DSC3: variants seen among roughly 807,000 people sequenced by gnomAD.
The protein encoded by DSC3 is desmocollin 3, also known as desmocollin-3.
DSC3 carries 97 observed loss-of-function variants against 89.5 expected under a neutral mutation model. That is an observed-to-expected ratio of 1.08 (90% CI 0.92 to 1.28). The LOEUF (loss-of-function observed/expected upper bound fraction) is 1.28, where lower values mean the gene tolerates loss of function less well. Among genes scored for constraint, DSC3 ranks in the 50% most tolerant of loss-of-function variants. The pLI is 0.00. For synonymous variants in DSC3, 436 were observed against 384.1 expected, an observed-to-expected ratio of 1.14 and a Z score of -1.58; for missense variants, 1,199 against 1,085.3, an observed-to-expected ratio of 1.10 and a Z score of -1.47.
chr18:31,013,251 A>AATTGT (rs145211069), intron 9 of DSC3, among the ~76,000 whole-genome samples: 76,405 of 151,690 alleles, frequency 0.5, 20,061 homozygotes, highest in East Asian at 0.89. Flanking sequence ...TCAAAACATG[A>AATTGT]ATTGGAACAG....
rs1984171739 is a variant in DSC3 at position 30,989,840 on chromosome 18, T to C, written c.*4335A>G. ...CCTTTTTCTTAAATTAAAAATGTTA[T>C]CAGGTTGATAGGTGCAGCAAACCAC... On this transcript the variant is annotated 3_prime_UTR_variant, in exon 16 of 16. Coordinates refer to ENST00000360428, the MANE Select transcript of DSC3 (RefSeq NM_001941.5). Among the ~76,000 whole-genome samples the C allele has an allele frequency of 6.6e-6, 1 of 152,200 alleles. No individual in the cohort carries two copies.
intron 1 of DSC3, among the ~76,000 whole-genome samples, chr18:31,040,131 T>C (rs1422848150): frequency 6.6e-6 from 1 of 152,144 alleles, no homozygotes; most frequent in South Asian, 2.1e-4. Flanking sequence ...GCAGAGTTCA[T>C]ATACTCCAAA....
rs147588685 is a variant in DSC3 at position 31,006,450 on chromosome 18, C to T, written c.1888+457G>A. On this transcript the variant is annotated intron_variant, in intron 12 of 15. Coordinates refer to ENST00000360428, the MANE Select transcript of DSC3 (RefSeq NM_001941.5). ...CAGTAGCTTGGATTACAGGTGCCTG[C>T]CACCACGCCCAGCTAATTTATGTAT... is the stretch of plus-strand genomic sequence containing the variant. Among the ~76,000 whole-genome samples, 1,292 of 152,154 alleles carry T rather than the reference C, an allele frequency of 8.5e-3. 23 individuals carry two copies. The highest frequency in any genetic ancestry group is 0.03 in the African/African-American group (1,241 of 41,506).
chr18:31,006,292 G>GTATTATTAT lies in DSC3; in HGVS notation c.1888+606_1888+614dup, dbSNP rs138302615. 2.9e-3 allele frequency among the ~76,000 whole-genome samples: 432 copies of GTATTATTAT among 149,858 alleles called. 1 individual carries two copies. The highest frequency in any genetic ancestry group is 9.0e-3 in the East Asian group (45 of 5,004). ...CTTCTGCTCTCTCCTCACCTCGCTGGTATTATTATTATTATTATTATTTTG... is the reference window on the plus strand; with the variant it reads ...CTTCTGCTCTCTCCTCACCTCGCTGGTATTATTATTATTATTATTATTATTATTATTTTG... On this transcript the variant is annotated intron_variant, in intron 12 of 15. Coordinates refer to ENST00000360428, the MANE Select transcript of DSC3 (RefSeq NM_001941.5).
At chr18:31,028,763 C>A (rs1269097733) in intron 4 of DSC3, among the ~76,000 whole-genome samples, 3 of 152,068 alleles carry the variant, frequency 2.0e-5, no homozygotes, top group Non-Finnish European at 4.4e-5. Flanking sequence ...AAAACTAAAC[C>A]TGATCATGTC....
chr18:31,027,318 T>C (rs1215405669), intron 4 of DSC3, among the ~76,000 whole-genome samples: 2 of 152,126 alleles, frequency 1.3e-5, no homozygotes, highest in African/African-American at 4.8e-5. Flanking sequence ...ATGCCAAAAG[T>C]GAGGTAGGCA....
At chr18:31,042,133 C>A (rs1567964737) in intron 1 of DSC3, among the ~76,000 whole-genome samples, 1 of 152,164 alleles carries the variant, frequency 6.6e-6, no homozygotes, top group Non-Finnish European at 1.5e-5. Context: ...ACTAACGAAC[C>A]AATCCGGGTC....
chr18:30,989,948 T>C lies in DSC3; in HGVS notation c.*4227A>G, dbSNP rs970629027. 18 of 151,582 alleles carry C rather than the reference T, an allele frequency of 1.2e-4. No homozygotes were observed. Among genetic ancestry groups the C allele is most frequent in the African/African-American group, 3.9e-4 (16 of 41,128 alleles). The allele number at this position is 151,582 out of a possible 1,614,324, so 9.4% of individuals were successfully genotyped here. A position where few individuals can be genotyped will look rare whatever the true frequency, so the allele number is the denominator to read the frequency against. ...CTTAAAATAAAATAAGTGTTATCAA[T>C]GTTCATTGTGAAAAAATCAACACAG... On this transcript the variant is annotated 3_prime_UTR_variant, in exon 16 of 16. Transcript: ENST00000360428.
chr18:31,022,014 A>T (rs1985435835), intron 7 of DSC3, among the ~76,000 whole-genome samples: 1 of 152,124 alleles, frequency 6.6e-6, no homozygotes, highest in Admixed American at 6.5e-5. Flanking sequence ...GAACAAGCAA[A>T]ATTAATTGTC....
intron 15 of DSC3, chr18:30,994,610 A>G (rs1205301315): frequency 1.3e-6 from 1 of 749,886 alleles, no homozygotes; most frequent in Non-Finnish European, 2.1e-6. Flanking sequence ...CAAGTTTTAT[A>G]TTTAAGTACA....
At position 31,004,240 on chromosome 18, in the gene DSC3, G is replaced by A. The variant is rs1347816443; in HGVS notation, c.2015C>T (p.Thr672Ile). The A allele has an allele frequency of 6.8e-6, 11 of 1,614,002 alleles. No individual in the cohort carries two copies. Among genetic ancestry groups the A allele is most frequent in the Non-Finnish European group, 9.3e-6 (11 of 1,179,926 alleles). ...AGTCGCACGACACTGAGTTGGATGA[G>A]TACATTCACACAGATTAACTCTCAA... ...KLLRVNLCEC[T>I]HPTQCRATSR... Residue 672 changes from threonine (T) to isoleucine (I), a missense_variant, in exon 13 of 16, where the codon ACT becomes ATT. Coordinates refer to ENST00000360428, the MANE Select transcript of DSC3 (RefSeq NM_001941.5).
At chr18:31,005,757 G>A (rs1194773265) in intron 12 of DSC3, among the ~76,000 whole-genome samples, 2 of 152,174 alleles carry the variant, frequency 1.3e-5, no homozygotes, top group Admixed American at 6.5e-5. Flanking sequence ...GAAGGGAGAA[G>A]TAATCAGATG....
Position 31,031,175 on chromosome 18 carries a change from G to A in DSC3, c.155-3C>T. The A allele has an allele frequency of 6.2e-7, 1 of 1,604,042 alleles. No individual in the cohort carries two copies. Among genetic ancestry groups the A allele is most frequent in the Non-Finnish European group, 8.5e-7 (1 of 1,175,246 alleles). ...CCTGAAGCACTCTTCCAAATTAACT[G>A]CAAGTAAAAATTTCCAAGTTGTAAG... is the stretch of plus-strand genomic sequence containing the variant. On this transcript the variant is annotated splice_polypyrimidine_tract_variant and splice_region_variant and intron_variant, in intron 2 of 15. Coordinates refer to ENST00000360428, the MANE Select transcript of DSC3 (RefSeq NM_001941.5).
intron 6 of DSC3, among the ~76,000 whole-genome samples, chr18:31,023,472 A>G (rs994260568): frequency 6.6e-6 from 1 of 152,156 alleles, no homozygotes. Flanking sequence ...AAGAAACAAA[A>G]CTAGGTTTCC....
chr18:31,021,108 C>T lies in DSC3; in HGVS notation c.942+1228G>A, dbSNP rs556226353. On this transcript the variant is annotated intron_variant, in intron 7 of 15. Coordinates refer to ENST00000360428, the MANE Select transcript of DSC3 (RefSeq NM_001941.5). Reference sequence around the variant, plus strand: ...TTACTTCTCATGTTGTTCCCCTCAACGCTCCATGGTTGTTGCCCACAAAAT... The same window carrying T: ...TTACTTCTCATGTTGTTCCCCTCAATGCTCCATGGTTGTTGCCCACAAAAT... Among the ~76,000 whole-genome samples the T allele has an allele frequency of 1.8e-4, 28 of 151,534 alleles. No homozygotes were observed. The South Asian group carries it at 4.2e-3, about 23-fold the overall frequency.
intron 9 of DSC3, among the ~76,000 whole-genome samples, chr18:31,011,959 A>C (rs1598537633): frequency 9.6e-6 from 1 of 103,662 alleles, no homozygotes; most frequent in African/African-American, 3.9e-5. Context: ...ACTTAAAAGT[A>C]CTCCATCTCC....
At chr18:31,018,867 A>G in intron 7 of DSC3, 67 bp from the exon 8 acceptor site, 4 of 1,432,812 alleles carry the variant, frequency 2.8e-6, no homozygotes, top group Non-Finnish European at 2.9e-6. Flanking sequence ...TGAAACCTCA[A>G]TTGCACACTC....
chr18:30,998,916 G>A (rs1984562099), intron 14 of DSC3, among the ~76,000 whole-genome samples: 2 of 152,204 alleles, frequency 1.3e-5, no homozygotes, highest in South Asian at 2.1e-4. Flanking sequence ...TGGGTAAGCA[G>A]GAAGGAGTAT....
intron 1 of DSC3, among the ~76,000 whole-genome samples, chr18:31,034,289 C>T (rs888030047): frequency 1.3e-5 from 2 of 152,008 alleles, no homozygotes; most frequent in Non-Finnish European, 2.9e-5. Flanking sequence ...TGAAAAGATG[C>T]CCAACATCAT....
Sources: gnomAD v4.1 joint callset for allele counts (sites outside exome capture counted in the v4.1 genomes callset) on GRCh38, gnomAD v4.1.1 for gene constraint, MANE v1.5 for transcripts, NCBI Gene and HGNC (gene_info 2026-07-23, HGNC 2026-07-21) for gene names.